Variants in KCNB2 observed in about 807,000 individuals in gnomAD.
KCNB2 encodes the protein delayed rectifier potassium channel protein.
A neutral mutation model predicts 61.5 loss-of-function variants in KCNB2; 15 were observed. That is an observed-to-expected ratio of 0.24 (90% confidence interval 0.16 to 0.38). The LOEUF (loss-of-function observed/expected upper bound fraction) is 0.38, where lower values mean the gene tolerates loss of function less well. KCNB2 is among the 10% of genes least tolerant of loss of function. The pLI is 1.00. For missense variants in KCNB2, 828 were observed against 1,125.2 expected (o/e 0.74, Z 3.78); for synonymous variants, 457 against 446.0 (o/e 1.02, Z -0.31).
chr8:72,833,155 G>A (rs528671920), intron 2 of KCNB2, among the ~76,000 whole-genome samples: 1 of 152,298 alleles, frequency 6.6e-6, no homozygotes, highest in East Asian at 1.9e-4. Context: ...GTTTTGGAAA[G>A]CAGAAGGAAC....
intron 2 of KCNB2, among the ~76,000 whole-genome samples, chr8:72,784,926 T>G (rs1808823113): frequency 6.6e-6 from 1 of 152,134 alleles, no homozygotes; most frequent in Non-Finnish European, 1.5e-5. Context: ...AACTTCTGAC[T>G]ATAGTTGACT....
At chr8:72,652,580 A>C (rs1329131785) in intron 2 of KCNB2, among the ~76,000 whole-genome samples, 1 of 152,084 alleles carries the variant, frequency 6.6e-6, no homozygotes, top group Non-Finnish European at 1.5e-5. Flanking sequence ...TATAAATCTC[A>C]CTAAGATCTG....
chr8:72,746,920 G>A (rs569318913), intron 2 of KCNB2, among the ~76,000 whole-genome samples: 3 of 152,114 alleles, frequency 2.0e-5, no homozygotes, highest in Non-Finnish European at 4.4e-5. Flanking sequence ...CACTATTCCA[G>A]TTCATTCCAA....
chr8:72,560,830 A>G (rs953911250), intron 1 of KCNB2, among the ~76,000 whole-genome samples: 5 of 152,152 alleles, frequency 3.3e-5, no homozygotes, highest in African/African-American at 1.2e-4. Context: ...CTGGTCAGCT[A>G]TGTTTTATAA....
At chr8:72,614,719 C>T (rs1205298866) in intron 2 of KCNB2, among the ~76,000 whole-genome samples, 1 of 152,116 alleles carries the variant, frequency 6.6e-6, no homozygotes, top group Non-Finnish European at 1.5e-5. Context: ...AAGTCTTTGT[C>T]TCCCTTCCGT....
Position 72,821,641 on chromosome 8 carries a change from CAA to C in KCNB2, c.580-114276_580-114275del, listed in dbSNP as rs61090576. On this transcript the variant is annotated intron_variant, in intron 2 of 2. Coordinates refer to ENST00000523207, the MANE Select transcript of KCNB2 (RefSeq NM_004770.3). ...TCCTACACACACACACAAAAAAAAA[CAA>C]AAAAAAAAAAAAAAAAACACACACA... Among the ~76,000 whole-genome samples the C allele has an allele frequency of 2.1e-3, 259 of 125,770 alleles. 1 individual carries two copies. The highest frequency in any genetic ancestry group is 5.9e-3 in the Admixed American group (65 of 10,984). 82.5% of individuals were successfully genotyped at this position (125,770 alleles called of 152,430 possible).
At chr8:72,773,632 G>A (rs199598471) in intron 2 of KCNB2, among the ~76,000 whole-genome samples, 1 of 152,198 alleles carries the variant, frequency 6.6e-6, no homozygotes, top group Admixed American at 6.5e-5. Flanking sequence ...GGGGCCTAAA[G>A]TCTGCCCAAG....
intron 2 of KCNB2, among the ~76,000 whole-genome samples, chr8:72,804,927 C>T (rs1765456952): frequency 6.6e-6 from 1 of 152,142 alleles, no homozygotes. Context: ...AGGAGTGGGT[C>T]TTTTGCTCCT....
intron 2 of KCNB2, among the ~76,000 whole-genome samples, chr8:72,685,247 T>C (rs922146701): frequency 6.6e-6 from 1 of 152,180 alleles, no homozygotes; most frequent in African/African-American, 2.4e-5. Context: ...GAAACATCAC[T>C]CTTAAAATCA....
intron 2 of KCNB2, among the ~76,000 whole-genome samples, chr8:72,642,566 G>A (rs535979234): frequency 6.6e-6 from 1 of 152,182 alleles, no homozygotes; most frequent in Non-Finnish European, 1.5e-5. Context: ...GAGCTCACCT[G>A]TATCATTTGC....
At chr8:72,844,183 T>A (rs1451158253) in intron 2 of KCNB2, among the ~76,000 whole-genome samples, 1 of 152,240 alleles carries the variant, frequency 6.6e-6, no homozygotes, top group Admixed American at 6.5e-5. Flanking sequence ...ACTTTATTTC[T>A]CCTTCGCTTA....
intron 2 of KCNB2, among the ~76,000 whole-genome samples, chr8:72,629,611 G>A (rs962165277): frequency 1.3e-5 from 2 of 152,276 alleles, no homozygotes; most frequent in East Asian, 3.9e-4. Context: ...TTTGGAGCCA[G>A]GGAAGGAATC....
intron 2 of KCNB2, among the ~76,000 whole-genome samples, chr8:72,828,703 A>G (rs367667449): frequency 7.2e-5 from 11 of 152,208 alleles, no homozygotes; most frequent in African/African-American, 2.7e-4. Flanking sequence ...TCATTTTCCA[A>G]GCCGTCTAAG....
At chr8:72,758,468 A>C (rs1808327739) in intron 2 of KCNB2, among the ~76,000 whole-genome samples, 1 of 152,186 alleles carries the variant, frequency 6.6e-6, no homozygotes, top group South Asian at 2.1e-4. Flanking sequence ...CATAGATCTA[A>C]ATATAGCCAT....
chr8:72,657,486 G>C (rs549820435), intron 2 of KCNB2, among the ~76,000 whole-genome samples: 10 of 152,022 alleles, frequency 6.6e-5, no homozygotes, highest in African/African-American at 2.2e-4. Context: ...CTACATTCAC[G>C]TTATGGAGAA....
chr8:72,700,834 C>T lies in KCNB2; in HGVS notation c.579+132521C>T, dbSNP rs556806823. Among the ~76,000 whole-genome samples the T allele has an allele frequency of 3.3e-5, 5 of 152,174 alleles. No homozygotes were observed. In the East Asian group the frequency reaches 9.6e-4, roughly 29 times the overall value. Reference sequence around the variant, plus strand: ...CTATAACAAAGATATGAAATCAACCCGAGTGTCCATCAGGGATTGGATAAA... The same window carrying T: ...CTATAACAAAGATATGAAATCAACCTGAGTGTCCATCAGGGATTGGATAAA... On this transcript the variant is annotated intron_variant, in intron 2 of 2. Coordinates refer to ENST00000523207, the MANE Select transcript of KCNB2 (RefSeq NM_004770.3).
chr8:72,551,415 G>A (rs1201430491), intron 1 of KCNB2, among the ~76,000 whole-genome samples: 1 of 152,008 alleles, frequency 6.6e-6, no homozygotes, highest in Non-Finnish European at 1.5e-5. Context: ...GGTCAGTCTG[G>A]CCCCTTGTCG....
At chr8:72,809,673 T>C (rs1026408986) in intron 2 of KCNB2, among the ~76,000 whole-genome samples, 2 of 152,178 alleles carry the variant, frequency 1.3e-5, no homozygotes, top group Non-Finnish European at 2.9e-5. Context: ...TTTGTAAGAA[T>C]GCCTCTTACT....
intron 2 of KCNB2, among the ~76,000 whole-genome samples, chr8:72,773,852 C>T (rs757879492): frequency 3.6e-4 from 54 of 152,050 alleles, no homozygotes; most frequent in Non-Finnish European, 7.2e-4. Context: ...GTTGCTCATT[C>T]ATTGTAAGGT....
Sources: allele counts gnomAD v4.1 joint callset (sites outside exome capture counted in the v4.1 genomes callset), GRCh38; gene constraint gnomAD v4.1.1; transcripts MANE v1.5; gene names NCBI Gene and HGNC (gene_info 2026-07-23, HGNC 2026-07-21).